Variants in CCDC177 observed in about 807,000 individuals in gnomAD.
CCDC177 encodes the protein coiled-coil domain-containing protein 177.
CCDC177 carries 2 observed loss-of-function variants against 7.3 expected under a neutral mutation model. That is an observed-to-expected ratio of 0.28 (90% CI 0.11 to 0.87). The LOEUF (loss-of-function observed/expected upper bound fraction) is 0.87, where lower values mean the gene tolerates loss of function less well. Among genes scored for constraint, CCDC177 ranks in the 40% least tolerant of loss-of-function variants. CCDC177 has a pLI of 0.61. For synonymous variants in CCDC177, 401 were observed against 449.2 expected (o/e 0.89, Z 1.36); for missense variants, 874 against 970.5 (o/e 0.90, Z 1.32).
In CCDC177 at chr14:69,569,812, A is replaced by AAT. The variant is rs1884286358; in HGVS notation, c.*1685_*1686dup. ...TTTCAGGGACAATTTTACCCAGCAG[A>AAT]ATATATATGAAATATGTTTAATGTA... On this transcript the variant is annotated 3_prime_UTR_variant, in exon 2 of 2. Transcript: ENST00000599174. The AAT allele has an allele frequency of 6.6e-6, 1 of 152,166 alleles. No homozygotes were observed. Among genetic ancestry groups the AAT allele is most frequent in the African/African-American group, 2.4e-5 (1 of 41,440 alleles). 9.4% of individuals were successfully genotyped at this position (152,166 alleles called of 1,614,324 possible). A position where few individuals can be genotyped will look rare whatever the true frequency, so the allele number is the denominator to read the frequency against.
In CCDC177 at chr14:69,573,443, G is replaced by A. The variant is rs1469490208; in HGVS notation, c.180C>T (p.Ala60=). 4.1e-6 allele frequency: 5 copies of A among 1,231,500 alleles called. No individual in the cohort carries two copies. Among genetic ancestry groups the A allele is most frequent in the African/African-American group, 1.5e-5 (1 of 64,528 alleles). 76.3% of individuals were successfully genotyped at this position (1,231,500 alleles called of 1,614,324 possible). The change falls in exon 2 of 2, where the codon GCC becomes GCT. Residue 60 remains alanine (A), a synonymous_variant. Coordinates refer to ENST00000599174, the MANE Select transcript of CCDC177 (RefSeq NM_001271507.2). ...VPRKAEVPCA[A]AEGGRREQSP... is the part of the protein sequence containing the mutation. ...ACTGCTCCCGCCGCCCGCCTTCTGC[G>A]GCTGCACATGGGACTTCTGCCTTGC...
chr14:69,572,823 G>C lies in CCDC177; in HGVS notation c.800C>G (p.Pro267Arg). Residue 267 changes from proline to arginine, a missense_variant, in exon 2 of 2, where the codon CCT (proline) becomes CGT (arginine). Coordinates refer to ENST00000599174, the MANE Select transcript of CCDC177 (RefSeq NM_001271507.2). ...GCAGCTGTTCCTGGCCGAGGCCCGA[G>C]GCGGCCAGCGCAGCTCCCTCAAGCT... The part of the protein sequence containing the change: ...GESLRELRWP[P>R]RASARNSCPA... 8.1e-7 allele frequency: 1 copy of C among 1,231,330 alleles called. No homozygotes were observed. The highest frequency in any genetic ancestry group is 1.0e-6 in the Non-Finnish European group (1 of 987,738). 76.3% of individuals were successfully genotyped at this position (1,231,330 alleles called of 1,614,324 possible). A position where few individuals can be genotyped will look rare whatever the true frequency, so the allele number is the denominator to read the frequency against.
Position 69,572,862 on chromosome 14 carries a change from G to T in CCDC177, c.761C>A (p.Ser254Tyr). The T allele has an allele frequency of 8.1e-7, 1 of 1,230,966 alleles. No individual in the cohort carries two copies. The highest frequency in any genetic ancestry group is 1.0e-6 in the Non-Finnish European group (1 of 987,482). 76.3% of individuals were successfully genotyped at this position (1,230,966 alleles called of 1,614,324 possible). A position where few individuals can be genotyped will look rare whatever the true frequency, so the allele number is the denominator to read the frequency against. Residue 254 changes from serine to tyrosine, a missense_variant, in exon 2 of 2, where the codon TCC becomes TAC. Transcript: ENST00000599174. ...CTCCCTCAAGCTTTCCCCACTGTAGGATGACGACGATGCGCCCGACTCGGA... is the reference window on the plus strand; with the variant it reads ...CTCCCTCAAGCTTTCCCCACTGTAGTATGACGACGATGCGCCCGACTCGGA... ...LSSESGASSS[S>Y]YSGESLRELR...
In CCDC177 at chr14:69,572,884, C is replaced by T. The variant is rs1378974036; in HGVS notation, c.739G>A (p.Glu247Lys). ...TAGGATGACGACGATGCGCCCGACT[C>T]GGAGCTGAGGGCGCCCTCACGCCGG... is the stretch of plus-strand genomic sequence containing the variant. ...SRRREGALSS[E>K]SGASSSSYSG... Residue 247 changes from glutamate to lysine, a missense_variant, in exon 2 of 2, where the codon GAG (glutamate) becomes AAG (lysine). Physicochemically the swap from Glu to Lys is moderately conservative, Grantham distance 56. Transcript: ENST00000599174. 2 of 1,230,854 alleles carry T rather than the reference C, an allele frequency of 1.6e-6. No individual in the cohort carries two copies. The highest frequency in any genetic ancestry group is 1.0e-6 in the Non-Finnish European group (1 of 987,496). The allele number at this position is 1,230,854 out of a possible 1,614,324, so 76.2% of individuals were successfully genotyped here.
chr14:69,572,533 C>G lies in CCDC177; in HGVS notation c.1090G>C (p.Gly364Arg), dbSNP rs1167281730. 8.1e-7 allele frequency: 1 copy of G among 1,231,068 alleles called. No homozygotes were observed. Among genetic ancestry groups the G allele is most frequent in the Non-Finnish European group, 1.0e-6 (1 of 987,496 alleles). 76.3% of individuals were successfully genotyped at this position (1,231,068 alleles called of 1,614,324 possible). A position where few individuals can be genotyped will look rare whatever the true frequency, so the allele number is the denominator to read the frequency against. ...TGCACGCGCTGCAGCTCCCACTGGC[C>G]GTGGGCAGCCGCGCGTTGCTCCAGC... is the stretch of plus-strand genomic sequence containing the variant. ...LLLEQRAAAH[G>R]QWELQRVHAK... The change falls in exon 2 of 2, where the codon GGC becomes CGC. Residue 364 changes from glycine (G) to arginine (R), a missense_variant. Transcript: ENST00000599174.
rs1884400920 is a variant in CCDC177 at position 69,574,709 on chromosome 14, A to G, written c.-196T>C. On this transcript the variant is annotated 5_prime_UTR_variant, in exon 1 of 2. Transcript: ENST00000599174. The stretch of plus-strand genomic sequence containing the variant: ...GCGTCTCTCCATGGGGTCTGCGAAC[A>G]GGGCGCACGCACCCCAGATGCTACC... 1 of 152,212 alleles carries G rather than the reference A, an allele frequency of 6.6e-6. No individual in the cohort carries two copies. Among genetic ancestry groups the G allele is most frequent in the Admixed American group, 6.5e-5 (1 of 15,282 alleles). The allele number at this position is 152,212 out of a possible 1,614,324, so 9.4% of individuals were successfully genotyped here. A position where few individuals can be genotyped will look rare whatever the true frequency, so the allele number is the denominator to read the frequency against.
At position 69,570,858 on chromosome 14, in the gene CCDC177, C is replaced by T. The variant is rs1478104193; in HGVS notation, c.*641G>A. On this transcript the variant is annotated 3_prime_UTR_variant, in exon 2 of 2. Transcript: ENST00000599174. Reference sequence around the variant, plus strand: ...ACATTATCTGCAGATGACTGTCTAACTAGAAAACCCAAGGGACTAAACTGG... The same window carrying T: ...ACATTATCTGCAGATGACTGTCTAATTAGAAAACCCAAGGGACTAAACTGG... 1 of 457,640 alleles carries T rather than the reference C, an allele frequency of 2.2e-6. No individual in the cohort carries two copies. The highest frequency in any genetic ancestry group is 6.9e-5 in the East Asian group (1 of 14,402). 28.3% of individuals were successfully genotyped at this position (457,640 alleles called of 1,614,324 possible).
chr14:69,571,726 C>G lies in CCDC177; in HGVS notation c.1897G>C (p.Glu633Gln). 8.1e-7 allele frequency: 1 copy of G among 1,231,712 alleles called. No homozygotes were observed. The highest frequency in any genetic ancestry group is 1.0e-6 in the Non-Finnish European group (1 of 988,004). 76.3% of individuals were successfully genotyped at this position (1,231,712 alleles called of 1,614,324 possible). A position where few individuals can be genotyped will look rare whatever the true frequency, so the allele number is the denominator to read the frequency against. ...CGCCGGCGGCAGTCTTCGTCCCTCTCCACCTTCTCCTTGTTGGCGCGCTGG... is the reference window on the plus strand; with the variant it reads ...CGCCGGCGGCAGTCTTCGTCCCTCTGCACCTTCTCCTTGTTGGCGCGCTGG... ...RAQRANKEKV[E>Q]RDEDCRRREL... The change falls in exon 2 of 2, where the codon GAG becomes CAG. Residue 633 changes from glutamate to glutamine, a missense_variant. Coordinates refer to ENST00000599174, the MANE Select transcript of CCDC177 (RefSeq NM_001271507.2).
At chr14:69,574,292 C>T (rs1194699769) in intron 1 of CCDC177, among the ~76,000 whole-genome samples, 1 of 152,184 alleles carries the variant, frequency 6.6e-6, no homozygotes, top group Non-Finnish European at 1.5e-5. Context: ...ACGCCGCCTC[C>T]GCCCCCACCT....
rs1328917353 is a variant in CCDC177 at position 69,571,696 on chromosome 14, G to A, written c.1927C>T (p.Leu643=). The change falls in exon 2 of 2, where the codon CTA becomes TTA. Residue 643 remains leucine, a synonymous_variant. Coordinates refer to ENST00000599174, the MANE Select transcript of CCDC177 (RefSeq NM_001271507.2). ...ERDEDCRRRE[L]LQAIGRKLER... ...AGCTTGCGCCCGATGGCCTGGAGTA[G>A]CTCTCGCCGGCGGCAGTCTTCGTCC... 8 of 1,231,894 alleles carry A rather than the reference G, an allele frequency of 6.5e-6. No individual in the cohort carries two copies. Among genetic ancestry groups the A allele is most frequent in the South Asian group, 8.2e-5 (2 of 24,322 alleles). 76.3% of individuals were successfully genotyped at this position (1,231,894 alleles called of 1,614,324 possible).
chr14:69,573,844 C>T (rs920071310), intron 1 of CCDC177, among the ~76,000 whole-genome samples, 194 bp from the exon 2 acceptor site: 1 of 152,204 alleles, frequency 6.6e-6, no homozygotes, highest in African/African-American at 2.4e-5. Flanking sequence ...GGCGGACACT[C>T]GTGTTCAGAG....
In CCDC177 at chr14:69,572,107, G is replaced by C; in HGVS notation, c.1516C>G (p.Arg506Gly). Residue 506 changes from arginine (R) to glycine (G), a missense_variant, in exon 2 of 2, where the codon CGG becomes GGG. Arg to Gly is a moderately radical substitution (Grantham distance 125, BLOSUM62 -2). Transcript: ENST00000599174. ...GCCTCGTGGCGCGCCCGCTCGGCCC[G>C]GCTCAGCTCCCGCTTCTCCCGCTGC... ...QLQREKRELS[R>G]AERARHEALL... 8.1e-7 allele frequency: 1 copy of C among 1,231,128 alleles called. No homozygotes were observed. 76.3% of individuals were successfully genotyped at this position (1,231,128 alleles called of 1,614,324 possible).
In CCDC177 at chr14:69,572,157, G is replaced by C. The variant is rs1428622395; in HGVS notation, c.1466C>G (p.Ala489Gly). 1 of 1,229,898 alleles carries C rather than the reference G, an allele frequency of 8.1e-7. No individual in the cohort carries two copies. The highest frequency in any genetic ancestry group is 1.6e-5 in the African/African-American group (1 of 64,402). The allele number at this position is 1,229,898 out of a possible 1,614,324, so 76.2% of individuals were successfully genotyped here. A position where few individuals can be genotyped will look rare whatever the true frequency, so the allele number is the denominator to read the frequency against. ...RRERAQRAAR[A>G]KQRQEGQLQR... ...CAGCTGGCCCTCCTGCCGCTGCTTGGCGCGGGCCGCGCGCTGGGCGCGCTC... is the reference window on the plus strand; with the variant it reads ...CAGCTGGCCCTCCTGCCGCTGCTTGCCGCGGGCCGCGCGCTGGGCGCGCTC... Residue 489 changes from alanine (A) to glycine (G), a missense_variant, in exon 2 of 2, where the codon GCC becomes GGC. By Grantham distance (60) the Ala-to-Gly change is moderately conservative. Coordinates refer to ENST00000599174, the MANE Select transcript of CCDC177 (RefSeq NM_001271507.2).
chr14:69,572,283 G>A lies in CCDC177; in HGVS notation c.1340C>T (p.Ala447Val). The stretch of plus-strand genomic sequence containing the variant: ...AAGCTTGCGCAGCCGATCCTCCCGG[G>A]CCGCGCGCTCCGCCCGCTCCCGCCG... ...LLRRERAERA[A>V]REDRLRKLQQ... is the part of the protein sequence containing the mutation. Residue 447 changes from alanine (A) to valine (V), a missense_variant, in exon 2 of 2, where the codon GCC becomes GTC. By Grantham distance (64) the Ala-to-Val change is moderately conservative. Coordinates refer to ENST00000599174, the MANE Select transcript of CCDC177 (RefSeq NM_001271507.2). 5 of 1,228,218 alleles carry A rather than the reference G, an allele frequency of 4.1e-6. No homozygotes were observed. The South Asian group carries it at 1.6e-4, about 40-fold the overall frequency. 76.1% of individuals were successfully genotyped at this position (1,228,218 alleles called of 1,614,324 possible). A position where few individuals can be genotyped will look rare whatever the true frequency, so the allele number is the denominator to read the frequency against.
rs917474270 is a variant in CCDC177 at position 69,571,392 on chromosome 14, C to G, written c.*107G>C. On this transcript the variant is annotated 3_prime_UTR_variant, in exon 2 of 2. Coordinates refer to ENST00000599174, the MANE Select transcript of CCDC177 (RefSeq NM_001271507.2). ...TTGTTGCCTCATTGGTCAGAAGCCT[C>G]GAGAGGCCACCGCGCTGCGCACCGA... 49 of 760,968 alleles carry G rather than the reference C, an allele frequency of 6.4e-5. No individual in the cohort carries two copies. The highest frequency in any genetic ancestry group is 5.9e-4 in the South Asian group (12 of 20,264). The allele number at this position is 760,968 out of a possible 1,614,324, so 47.1% of individuals were successfully genotyped here. A position where few individuals can be genotyped will look rare whatever the true frequency, so the allele number is the denominator to read the frequency against.
At position 69,573,279 on chromosome 14, in the gene CCDC177, A is replaced by G. The variant is rs907351093; in HGVS notation, c.344T>C (p.Leu115Pro). Residue 115 changes from leucine (L) to proline (P), a missense_variant, in exon 2 of 2, where the codon CTG becomes CCG. Leu to Pro is a moderately conservative substitution (Grantham distance 98, BLOSUM62 -3). Coordinates refer to ENST00000599174, the MANE Select transcript of CCDC177 (RefSeq NM_001271507.2). ...VKPVELLPRA[L>P]ADLVREAPGR... The stretch of plus-strand genomic sequence containing the variant: ...CGGAGCCTCTCGCACCAGGTCGGCC[A>G]GGGCCCGTGGCAGCAGCTCCACCGG... 12 of 1,231,274 alleles carry G rather than the reference A, an allele frequency of 9.7e-6. No individual in the cohort carries two copies. The African/African-American group carries it at 1.4e-4, about 14-fold the overall frequency. The allele number at this position is 1,231,274 out of a possible 1,614,324, so 76.3% of individuals were successfully genotyped here.
rs1234281677 is a variant in CCDC177, at chr14:69,571,824, G to A, written c.1799C>T (p.Thr600Met). ...CTGCACTGCTTCCTCGGCCACCTGC[G>A]TCGCGTGCTGCAGCCGTCGCTCCCC... Reference protein sequence around the residue: ...RAGERRLQHATQVAEEAVQQK... With the variant: ...RAGERRLQHAMQVAEEAVQQK... The change falls in exon 2 of 2, where the codon ACG becomes ATG. Residue 600 changes from threonine to methionine, a missense_variant. Physicochemically the swap from Thr to Met is moderately conservative, Grantham distance 81 (BLOSUM62 -1). Transcript: ENST00000599174. The A allele has an allele frequency of 2.4e-6, 3 of 1,231,572 alleles. No individual in the cohort carries two copies. Among genetic ancestry groups the A allele is most frequent in the Non-Finnish European group, 3.0e-6 (3 of 987,882 alleles). 76.3% of individuals were successfully genotyped at this position (1,231,572 alleles called of 1,614,324 possible).
In CCDC177 at chr14:69,572,572, C is replaced by T. The variant is rs1410306758; in HGVS notation, c.1051G>A (p.Glu351Lys). ...IAALMLARHQEELLLLEQRAA... is the reference protein window; with the variant it reads ...IAALMLARHQKELLLLEQRAA... ...CGTTGCTCCAGCAGCAGGAGCTCCT[C>T]CTGGTGCCGCGCCAGCATGAGCGCC... The change falls in exon 2 of 2, where the codon GAG becomes AAG. Residue 351 changes from glutamate to lysine, a missense_variant. By Grantham distance (56) the Glu-to-Lys change is moderately conservative. Coordinates refer to ENST00000599174, the MANE Select transcript of CCDC177 (RefSeq NM_001271507.2). The T allele has an allele frequency of 1.6e-6, 2 of 1,231,074 alleles. No individual in the cohort carries two copies. Among genetic ancestry groups the T allele is most frequent in the African/African-American group, 1.6e-5 (1 of 64,392 alleles). The allele number at this position is 1,231,074 out of a possible 1,614,324, so 76.3% of individuals were successfully genotyped here.
rs886924126 is a variant in CCDC177, at chr14:69,571,969, G to A, written c.1654C>T (p.Arg552Cys). Reference sequence around the variant, plus strand: ...GCCCGCTCCCGCAGCTCCCGGGTGCGCTGCTCCACCAAATGCTCGTAGTTC... The same window carrying A: ...GCCCGCTCCCGCAGCTCCCGGGTGCACTGCTCCACCAAATGCTCGTAGTTC... ...QENYEHLVEQRTRELRERARR... is the reference protein window; with the variant it reads ...QENYEHLVEQCTRELRERARR... The change falls in exon 2 of 2, where the codon CGC (arginine) becomes TGC (cysteine). Residue 552 changes from arginine to cysteine, a missense_variant. Arg to Cys is a radical substitution (Grantham distance 180). Coordinates refer to ENST00000599174, the MANE Select transcript of CCDC177 (RefSeq NM_001271507.2). 5 of 1,231,692 alleles carry A rather than the reference G, an allele frequency of 4.1e-6. No individual in the cohort carries two copies. The highest frequency in any genetic ancestry group is 5.1e-6 in the Non-Finnish European group (5 of 988,226). The allele number at this position is 1,231,692 out of a possible 1,614,324, so 76.3% of individuals were successfully genotyped here.
Sources: allele counts gnomAD v4.1 joint callset (sites outside exome capture counted in the v4.1 genomes callset), GRCh38; gene constraint gnomAD v4.1.1; transcripts MANE v1.5; gene names NCBI Gene and HGNC (gene_info 2026-07-23, HGNC 2026-07-21).